The following IL12B variants were observed in gnomAD, a reference collection of about 807,000 sequenced individuals.
IL12B encodes interleukin-12 subunit beta.
Under a neutral mutation model 39.2 loss-of-function variants are expected in IL12B, and 27 were observed. The ratio of observed to expected loss-of-function variants is 0.69; its 90% CI spans 0.51 to 0.95. The LOEUF is 0.95. IL12B is among the 40% of genes least tolerant of loss of function. The pLI, the probability that IL12B is intolerant of heterozygous loss-of-function variation, is 0.00. For missense variants in IL12B, 351 were observed against 397.6 expected (o/e 0.88, Z 1.00); for synonymous variants, 142 against 152.1 (o/e 0.93, Z 0.49).
Position 159,326,733 on chromosome 5 carries a change from G to A in IL12B, c.50C>T (p.Ala17Val), listed in dbSNP as rs1033790517. The change falls in exon 2 of 8, where the codon GCA becomes GTA. Residue 17 changes from alanine to valine, a missense_variant. Ala to Val is a moderately conservative substitution (Grantham distance 64). Transcript: ENST00000231228. Reference protein sequence around the residue: ...VISWFSLVFLASPLVAIWELK... With the variant: ...VISWFSLVFLVSPLVAIWELK... ...TTCCCATATGGCCACGAGGGGAGAT[G>A]CCAGAAAAACCAGGGAAAACCAAGA... 6 of 1,613,460 alleles carry A rather than the reference G, an allele frequency of 3.7e-6. No individual in the cohort carries two copies. The South Asian group carries it at 5.5e-5, about 15-fold the overall frequency.
In IL12B at chr5:159,314,887, A is replaced by G. The variant is rs1584750960; in HGVS notation, c.*1214T>C. The G allele has an allele frequency of 6.6e-6, 1 of 152,366 alleles. No individual in the cohort carries two copies. The highest frequency in any genetic ancestry group is 1.9e-4 in the East Asian group (1 of 5,330). The allele number at this position is 152,366 out of a possible 1,614,324, so 9.4% of individuals were successfully genotyped here. ...TAATCACTTTACAGAGCGCACATAC[A>G]TTACTTAAAAGTAGCACCTTCATGG... On this transcript the variant is annotated 3_prime_UTR_variant, in exon 8 of 8. Transcript: ENST00000231228.
At position 159,318,759 on chromosome 5, in the gene IL12B, G is replaced by A. The variant is rs1473477300; in HGVS notation, c.832C>T (p.Gln278Ter). 1 of 1,614,104 alleles carries A rather than the reference G, an allele frequency of 6.2e-7. No homozygotes were observed. The change falls in exon 6 of 8, where the codon CAG becomes TAG. Residue 278 changes from glutamine to a stop codon, truncating the protein, a stop_gained. Transcript: ENST00000231228. LOFTEE classifies it high-confidence loss of function. Reference sequence around the variant, plus strand: ...ACCTTTTCTCTCTTGCTCTTGCCCTGGACCTGAACGCAGAATGTCAGGGAG... The same window carrying A: ...ACCTTTTCTCTCTTGCTCTTGCCCTAGACCTGAACGCAGAATGTCAGGGAG... ...YFSLTFCVQV[Q>*]GKSKREKKDR...
chr5:159,319,314 A>G (rs1754045650), intron 5 of IL12B, among the ~76,000 whole-genome samples: 2 of 152,162 alleles, frequency 1.3e-5, no homozygotes, highest in Admixed American at 6.5e-5. Flanking sequence ...TAGATTTTCT[A>G]TTTACTGCCC....
intron 1 of IL12B, among the ~76,000 whole-genome samples, chr5:159,330,014 A>G (rs1384904882): frequency 6.6e-6 from 1 of 152,190 alleles, no homozygotes; most frequent in Non-Finnish European, 1.5e-5. Context: ...TATGAATCCA[A>G]TTACTTTAAG....
At chr5:159,319,892 A>T (rs1470042400) in intron 5 of IL12B, among the ~76,000 whole-genome samples, 1 of 152,246 alleles carries the variant, frequency 6.6e-6, no homozygotes, top group Non-Finnish European at 1.5e-5. Flanking sequence ...ATATTCTAAG[A>T]AAGAAGTCCC....
intron 5 of IL12B, among the ~76,000 whole-genome samples, chr5:159,319,986 A>G (rs1754058655): frequency 2.0e-5 from 3 of 152,196 alleles, no homozygotes; most frequent in Admixed American, 2.0e-4. Context: ...ATTATGCTTG[A>G]TTAGGCTCTG....
intron 4 of IL12B, among the ~76,000 whole-genome samples, chr5:159,321,841 G>C (rs569292745): frequency 2.0e-5 from 3 of 152,286 alleles, no homozygotes; most frequent in African/African-American, 7.2e-5. Context: ...CATAGGTCTT[G>C]TATTTATGGA....
intron 4 of IL12B, among the ~76,000 whole-genome samples, 188 bp downstream of exon 4, chr5:159,322,206 A>G (rs1304731199): frequency 6.6e-6 from 1 of 152,188 alleles, no homozygotes. Context: ...ACATACATTT[A>G]TTCAAGCAAT....
Position 159,323,349 on chromosome 5 carries a change from G to C in IL12B, c.89-20C>G. 6.2e-7 allele frequency: 1 copy of C among 1,612,208 alleles called. No homozygotes were observed. The highest frequency in any genetic ancestry group is 8.5e-7 in the Non-Finnish European group (1 of 1,179,664). The stretch of plus-strand genomic sequence containing the variant: ...CATAAACTGGAATGCACATAAAGTG[G>C]AGAACCAGGCTGTAAGCTCCAGGAA... On this transcript the variant is annotated intron_variant, in intron 2 of 7. Coordinates refer to ENST00000231228, the MANE Select transcript of IL12B (RefSeq NM_002187.3).
chr5:159,326,689 G>A lies in IL12B; in HGVS notation c.88+6C>T, dbSNP rs1184380056. The stretch of plus-strand genomic sequence containing the variant: ...CCTCCACAGAGAATAATGAGAGGCT[G>A]GTTACCATCTTTCTTCAGTTCCCAT... On this transcript the variant is annotated splice_donor_region_variant and intron_variant, in intron 2 of 7. Coordinates refer to ENST00000231228, the MANE Select transcript of IL12B (RefSeq NM_002187.3). 5.0e-6 allele frequency: 8 copies of A among 1,601,490 alleles called. No homozygotes were observed. Among genetic ancestry groups the A allele is most frequent in the Non-Finnish European group, 6.8e-6 (8 of 1,168,734 alleles).
chr5:159,318,820 C>A lies in IL12B; in HGVS notation c.771G>T (p.Glu257Asp), dbSNP rs1754033246. The A allele has an allele frequency of 1.2e-6, 2 of 1,613,892 alleles. No individual in the cohort carries two copies. Among genetic ancestry groups the A allele is most frequent in the Admixed American group, 3.3e-5 (2 of 59,990 alleles). The change falls in exon 6 of 8, where the codon GAG (glutamate) becomes GAT (aspartate). Residue 257 changes from glutamate to aspartate, a missense_variant. Coordinates refer to ENST00000231228, the MANE Select transcript of IL12B (RefSeq NM_002187.3). The part of the protein sequence containing the change: ...KNSRQVEVSW[E>D]YPDTWSTPHS... The stretch of plus-strand genomic sequence containing the variant: ...GTGGAGTACTCCAGGTGTCAGGGTA[C>A]TCCCAGCTGACCTCCACCTGCCGAG...
Position 159,320,296 on chromosome 5 carries a change from C to G in IL12B, c.697+10G>C. 1 of 1,611,610 alleles carries G rather than the reference C, an allele frequency of 6.2e-7. No individual in the cohort carries two copies. Among genetic ancestry groups the G allele is most frequent in the African/African-American group, 1.3e-5 (1 of 75,006 alleles). On this transcript the variant is annotated intron_variant, in intron 5 of 7. Coordinates refer to ENST00000231228, the MANE Select transcript of IL12B (RefSeq NM_002187.3). ...TCCTTATGGAGCACATATAATCATC[C>G]AAAACTCACTGATGTCCCTGATGAA...
chr5:159,327,636 G>T (rs1192127043), intron 1 of IL12B, among the ~76,000 whole-genome samples: 10 of 152,170 alleles, frequency 6.6e-5, no homozygotes, highest in Non-Finnish European at 1.2e-4. Context: ...CTGAGAATAT[G>T]CATTTCTAGA....
chr5:159,327,455 T>C (rs1304499497), intron 1 of IL12B, among the ~76,000 whole-genome samples: 1 of 152,210 alleles, frequency 6.6e-6, no homozygotes, highest in Admixed American at 6.5e-5. Context: ...CACCAGCCCT[T>C]GCTGTAGGGG....
Position 159,330,006 on chromosome 5 carries a change from T to A in IL12B, c.-1+426A>T, listed in dbSNP as rs758107096. On this transcript the variant is annotated intron_variant, in intron 1 of 7. Transcript: ENST00000231228. ...CTGATTTGTAACATTATTATAATTA[T>A]GAATCCAATTACTTTAAGGAATGCA... Among the ~76,000 whole-genome samples, 187 of 152,296 alleles carry A rather than the reference T, an allele frequency of 1.2e-3. 1 individual carries two copies. The highest frequency in any genetic ancestry group is 2.7e-3 in the Admixed American group (41 of 15,300).
At chr5:159,320,545 C>T in intron 4 of IL12B, 25 bp from the exon 5 acceptor site, 1 of 1,584,608 alleles carries the variant, frequency 6.3e-7, no homozygotes, top group Non-Finnish European at 8.7e-7. Context: ...AGAAATTAGC[C>T]TGTGTTACAC....
chr5:159,326,157 C>T (rs1357841545), intron 2 of IL12B, among the ~76,000 whole-genome samples: 1 of 152,196 alleles, frequency 6.6e-6, no homozygotes, highest in East Asian at 1.9e-4. Context: ...ATCCAGTTTA[C>T]AGTTGAGGAA....
rs779340279 is a variant in IL12B at position 159,323,303 on chromosome 5, G to C, written c.115C>G (p.Pro39Ala). 6.2e-6 allele frequency: 10 copies of C among 1,613,966 alleles called. No homozygotes were observed. Among genetic ancestry groups the C allele is most frequent in the African/African-American group, 2.7e-5 (2 of 74,910 alleles). The change falls in exon 3 of 8, where the codon CCG (proline) becomes GCG (alanine). Residue 39 changes from proline to alanine, a missense_variant. Physicochemically the swap from Pro to Ala is conservative, Grantham distance 27. Transcript: ENST00000231228. ...ACCACCATTTCTCCAGGGGCATCCG[G>C]ATACCAATCCAATTCTACGACATAA... ...DVYVVELDWY[P>A]DAPGEMVVLT... is the part of the protein sequence containing the mutation.
chr5:159,324,524 T>C (rs906813599), intron 2 of IL12B, among the ~76,000 whole-genome samples: 11 of 152,216 alleles, frequency 7.2e-5, no homozygotes, highest in African/African-American at 2.4e-4. Context: ...TTTAGTTATA[T>C]GGTTCTTAAG....
Sources: allele counts gnomAD v4.1 joint callset (sites outside exome capture counted in the v4.1 genomes callset), GRCh38; gene constraint gnomAD v4.1.1; transcripts MANE v1.5; gene names NCBI Gene and HGNC (gene_info 2026-07-23, HGNC 2026-07-21).